FRMPD4: variants seen among roughly 807,000 people sequenced by gnomAD.
FRMPD4 encodes FERM and PDZ domain containing 4, also known as FERM and PDZ domain-containing protein 4.
A neutral mutation model predicts 94.1 loss-of-function variants in FRMPD4; 22 were observed. The observed-to-expected ratio is 0.23, with a 90% CI of 0.17 to 0.33. FRMPD4 has a LOEUF of 0.33. Ranked by LOEUF, FRMPD4 falls within the 10% of genes least tolerant of loss-of-function variation. FRMPD4 has a pLI of 1.00. For synonymous variants in FRMPD4, 631 were observed against 548.6 expected (o/e 1.15, Z -2.10); for missense variants, 1,111 against 1,339.9 (o/e 0.83, Z 2.67).
intron 3 of FRMPD4, among the ~76,000 whole-genome samples, chrX:11,951,205 A>C (rs2147365282): frequency 9.0e-6 from 1 of 111,388 alleles, no homozygotes; most frequent in African/African-American, 3.3e-5. Context: ...AAACCTAAAA[A>C]CAGAAATACC....
At chrX:12,550,361 A>AC (rs2058521086) in intron 2 of FRMPD4, among the ~76,000 whole-genome samples, 1 of 110,425 alleles carries the variant, frequency 9.1e-6, no homozygotes, top group South Asian at 3.8e-4. Context: ...AAAATGTAAA[A>AC]AAAAAAATCC....
intron 1 of FRMPD4, among the ~76,000 whole-genome samples, chrX:12,424,943 A>C: frequency 9.4e-6 from 1 of 106,938 alleles, no homozygotes. Context: ...GCCTTACTCT[A>C]AATCCCTCAG....
At chrX:12,438,750 G>A (rs995744555) in intron 1 of FRMPD4, among the ~76,000 whole-genome samples, 3 of 111,421 alleles carry the variant, frequency 2.7e-5, no homozygotes, top group Admixed American at 9.5e-5. Context: ...CTACTTTCAC[G>A]GCTGCCTTTA....
chrX:12,329,868 A>AAG (rs2055344866), intron 1 of FRMPD4, among the ~76,000 whole-genome samples: 1 of 109,410 alleles, frequency 9.1e-6, no homozygotes, highest in Non-Finnish European at 1.9e-5. Flanking sequence ...AAAAAAAAAA[A>AAG]AAAAAACAAC....
In FRMPD4 at chrX:12,611,306, T is replaced by C. The variant is rs1005845610; in HGVS notation, c.319+1425T>C. Among the ~76,000 whole-genome samples, 48 of 112,406 alleles carry C rather than the reference T, an allele frequency of 4.3e-4. 1 individual carries two copies. Among genetic ancestry groups the C allele is most frequent in the Admixed American group, 2.8e-4 (3 of 10,613 alleles). ...TTCTTCATAGGATTTTGCAAATCAG[T>C]AACAGGATTCAGCAGTAAAGTACTA... On this transcript the variant is annotated intron_variant, in intron 3 of 16. Transcript: ENST00000675598.
chrX:12,683,516 A>C lies in FRMPD4; in HGVS notation c.502A>C (p.Lys168Gln). ...ATCAGCATTTATTAGTGCTGCAAAA[A>C]AGGCAAGATTAAAGTCCAATCCTGT... The part of the protein sequence containing the change: ...PKSAFISAAK[K>Q]ARLKSNPVKV... Residue 168 changes from lysine to glutamine, a missense_variant, in exon 6 of 17, where the codon AAG becomes CAG. Transcript: ENST00000675598. 8.5e-7 allele frequency: 1 copy of C among 1,182,643 alleles called. No homozygotes were observed. The highest frequency in any genetic ancestry group is 1.1e-6 in the Non-Finnish European group (1 of 870,152).
At chrX:12,331,243 C>T (rs1322248596) in intron 1 of FRMPD4, among the ~76,000 whole-genome samples, 4 of 96,387 alleles carry the variant, frequency 4.1e-5, no homozygotes, top group Non-Finnish European at 8.3e-5. Flanking sequence ...TTTTTTTTAA[C>T]ATGGAAGGAA....
chrX:12,255,262 T>C (rs7888114), intron 1 of FRMPD4, among the ~76,000 whole-genome samples: 3,437 of 111,170 alleles, frequency 0.031, 150 homozygotes, highest in African/African-American at 0.11. Context: ...TGGGTGATAA[T>C]GCTGCACACA....
chrX:12,668,097 A>C (rs190811160), intron 4 of FRMPD4, among the ~76,000 whole-genome samples: 2 of 112,240 alleles, frequency 1.8e-5, no homozygotes, highest in African/African-American at 6.5e-5. Context: ...TTGATGGCTT[A>C]AAAGTGTCAT....
intron 3 of FRMPD4, among the ~76,000 whole-genome samples, chrX:11,996,149 A>T (rs1178168737): frequency 8.9e-6 from 1 of 112,206 alleles, no homozygotes; most frequent in Non-Finnish European, 1.9e-5. Flanking sequence ...AGTATACCTA[A>T]AAAATATAAT....
At chrX:12,715,509 T>C (rs1160722596) in intron 14 of FRMPD4, among the ~76,000 whole-genome samples, 1 of 111,713 alleles carries the variant, frequency 9.0e-6, no homozygotes, top group Non-Finnish European at 1.9e-5. Flanking sequence ...AAGATAGAAG[T>C]TTTGTACTAT....
chrX:12,270,487 C>T (rs1213942723), intron 1 of FRMPD4, among the ~76,000 whole-genome samples: 1 of 110,985 alleles, frequency 9.0e-6, no homozygotes, highest in Non-Finnish European at 1.9e-5. Flanking sequence ...ACTGGTAGGA[C>T]TAAATATCAT....
upstream of FRMPD4, among the ~76,000 whole-genome samples, chrX:12,134,034 T>C (rs940779850): frequency 8.9e-6 from 1 of 112,143 alleles, no homozygotes; most frequent in Non-Finnish European, 1.9e-5. Flanking sequence ...TCTTCAAACA[T>C]ACAATCATCG....
intron 1 of FRMPD4, among the ~76,000 whole-genome samples, chrX:12,173,446 A>T (rs751755738): frequency 1.8e-5 from 2 of 112,161 alleles, no homozygotes; most frequent in Admixed American, 9.4e-5. Context: ...GGCCAAAAAT[A>T]AAAATAGCTT....
chrX:12,266,132 C>CAAAAAAAAAAAAAAAAAAA (rs3990340), intron 1 of FRMPD4, among the ~76,000 whole-genome samples: 3 of 25,771 alleles, frequency 1.2e-4, no homozygotes, highest in Non-Finnish European at 2.2e-4. Context: ...GACTCCGTCT[C>CAAAAAAAAAAAAAAAAAAA]AAAAAAAAAA....
intron 1 of FRMPD4, among the ~76,000 whole-genome samples, chrX:12,312,166 G>A (rs2055040684): frequency 9.3e-6 from 1 of 107,568 alleles, no homozygotes; most frequent in South Asian, 4.0e-4. Context: ...GGTGTCCATT[G>A]GGTTTTTTAA....
At chrX:12,365,348 G>T (rs1409815097) in intron 1 of FRMPD4, among the ~76,000 whole-genome samples, 1 of 111,624 alleles carries the variant, frequency 9.0e-6, no homozygotes, top group Admixed American at 9.5e-5. Context: ...TAAAACATGG[G>T]TAATTCCTGC....
intron 3 of FRMPD4, among the ~76,000 whole-genome samples, chrX:12,092,711 C>T (rs1319556076): frequency 9.0e-6 from 1 of 111,633 alleles, no homozygotes; most frequent in South Asian, 3.8e-4. Flanking sequence ...ATTCATCCAA[C>T]GAACATTACT....
rs181720958 is a variant in FRMPD4 at position 11,921,807 on chromosome X, C to T, written c.95+43789C>T. On this transcript the variant is annotated intron_variant, in intron 3 of 18. Transcript: ENST00000640291. ...ATTGAGAGTTTTGGGATTGTTACCA[C>T]AGCGTAACCTAACAAAAGCTAACAG... Among the ~76,000 whole-genome samples the T allele has an allele frequency of 2.7e-5, 3 of 112,426 alleles. No homozygotes were observed. The Admixed American group carries it at 2.8e-4, about 11-fold the overall frequency.
Sources: allele counts gnomAD v4.1 joint callset (sites outside exome capture counted in the v4.1 genomes callset), GRCh38; gene constraint gnomAD v4.1.1; transcripts MANE v1.5; gene names NCBI Gene and HGNC (gene_info 2026-07-23, HGNC 2026-07-21).